GRID2: variants seen among roughly 807,000 people sequenced by gnomAD.
GRID2 encodes the protein glutamate receptor ionotropic, delta-2.
A neutral mutation model predicts 114.8 loss-of-function variants in GRID2; 33 were observed. The observed-to-expected ratio is 0.29, with a 90% CI of 0.22 to 0.38. GRID2 has a LOEUF of 0.38. GRID2 is among the 10% of genes least tolerant of loss of function. GRID2 has a pLI of 1.00. For synonymous variants in GRID2, 505 were observed against 449.9 expected (o/e 1.12, Z -1.55); for missense variants, 1,184 against 1,257.7 (o/e 0.94, Z 0.89).
chr4:92,728,198 T>G (rs1327548165), intron 2 of GRID2, among the ~76,000 whole-genome samples: 1 of 152,030 alleles, frequency 6.6e-6, no homozygotes, highest in Non-Finnish European at 1.5e-5. Context: ...CTCTTATAAT[T>G]TTCTACTTCC....
At chr4:92,362,052 T>C (rs1360166129) in intron 1 of GRID2, among the ~76,000 whole-genome samples, 2 of 151,982 alleles carry the variant, frequency 1.3e-5, no homozygotes, top group Non-Finnish European at 2.9e-5. Context: ...GGTGAGACAC[T>C]TAGAAAATCA....
intron 1 of GRID2, among the ~76,000 whole-genome samples, chr4:92,568,995 A>G (rs1263810448): frequency 6.6e-6 from 1 of 151,972 alleles, no homozygotes; most frequent in Non-Finnish European, 1.5e-5. Context: ...GTTAAAGGGT[A>G]CATGTGCAAG....
chr4:93,542,465 C>A (rs1732748813), intron 13 of GRID2, among the ~76,000 whole-genome samples: 1 of 152,144 alleles, frequency 6.6e-6, no homozygotes, highest in Non-Finnish European at 1.5e-5. Flanking sequence ...CAGTATTAAA[C>A]CACAAATTTG....
intron 2 of GRID2, among the ~76,000 whole-genome samples, chr4:92,838,377 A>T (rs1742623180): frequency 6.6e-6 from 1 of 152,062 alleles, no homozygotes; most frequent in African/African-American, 2.4e-5. Flanking sequence ...AGCATGAAAC[A>T]TCTTTTTTAT....
At chr4:92,356,178 A>G (rs543037900) in intron 1 of GRID2, among the ~76,000 whole-genome samples, 2 of 151,664 alleles carry the variant, frequency 1.3e-5, no homozygotes, top group African/African-American at 4.8e-5. Flanking sequence ...ATAAAATTTT[A>G]TATAAAATGA....
intron 13 of GRID2, among the ~76,000 whole-genome samples, chr4:93,594,079 T>C (rs1236046857): frequency 6.6e-6 from 1 of 152,224 alleles, no homozygotes. Flanking sequence ...TCCGTCCAGC[T>C]TTGTTCCGTT....
At chr4:93,175,852 T>A (rs2149428721) in intron 4 of GRID2, among the ~76,000 whole-genome samples, 1 of 152,272 alleles carries the variant, frequency 6.6e-6, no homozygotes, top group African/African-American at 2.4e-5. Context: ...TGAGAAGCTG[T>A]CCCAGTTTTC....
chr4:92,734,556 T>C (rs1467281131), intron 2 of GRID2, among the ~76,000 whole-genome samples: 1 of 152,134 alleles, frequency 6.6e-6, no homozygotes, highest in Non-Finnish European at 1.5e-5. Context: ...AGTTCTGGGA[T>C]TACAGGCATG....
At position 93,099,264 on chromosome 4, in the gene GRID2, G is replaced by T. The variant is rs866458752; in HGVS notation, c.530-11484G>T. On this transcript the variant is annotated intron_variant, in intron 3 of 15. Coordinates refer to ENST00000282020, the MANE Select transcript of GRID2 (RefSeq NM_001510.4). ...AAGAAAAATTAAGGAAACTATAATTGTTTTATTATAATTCATTATTTTAAA... is the reference window on the plus strand; with the variant it reads ...AAGAAAAATTAAGGAAACTATAATTTTTTTATTATAATTCATTATTTTAAA... 2.6e-5 allele frequency among the ~76,000 whole-genome samples: 4 copies of T among 151,796 alleles called. No homozygotes were observed. In the East Asian group the frequency reaches 5.8e-4, roughly 22 times the overall value.
At chr4:92,678,213 T>A (rs984011371) in intron 2 of GRID2, among the ~76,000 whole-genome samples, 2 of 152,148 alleles carry the variant, frequency 1.3e-5, no homozygotes, top group South Asian at 4.1e-4. Context: ...ATCAGCCTTC[T>A]CTGCTGTACT....
At chr4:93,444,629 GTAAAT>G (rs1236848871) in intron 10 of GRID2, among the ~76,000 whole-genome samples, 1 of 151,932 alleles carries the variant, frequency 6.6e-6, no homozygotes, top group African/African-American at 2.4e-5. Flanking sequence ...GCGAAAATAT[GTAAAT>G]TAGAGTACCT....
chr4:93,471,698 A>ATTTTTTGTTTTTTTTTTTTTTTT (rs1724815463), intron 11 of GRID2, among the ~76,000 whole-genome samples: 1 of 61,008 alleles, frequency 1.6e-5, no homozygotes, highest in African/African-American at 9.0e-5. Flanking sequence ...CCTGAATTCA[A>ATTTTTTGTTTTTTTTTTTTTTTT]TTTTTTTTTT....
In GRID2 at chr4:92,411,649, G is replaced by GTATATACATATA. The variant is rs1320090236; in HGVS notation, c.88+106906_88+106907insATATACATATAT. Among the ~76,000 whole-genome samples, 90 of 94,904 alleles carry GTATATACATATA rather than the reference G, an allele frequency of 9.5e-4. 4 individuals are homozygous for GTATATACATATA. Among genetic ancestry groups the GTATATACATATA allele is most frequent in the Non-Finnish European group, 1.7e-3 (79 of 47,642 alleles). The allele number at this position is 94,904 out of a possible 152,430, so 62.3% of individuals were successfully genotyped here. A position where few individuals can be genotyped will look rare whatever the true frequency, so the allele number is the denominator to read the frequency against. ...CATGTGTGTGTGTGTGTGTGTGTGT[G>GTATATACATATA]TGTGTGTATATATATATATATATAT... On this transcript the variant is annotated intron_variant, in intron 1 of 15. Coordinates refer to ENST00000282020, the MANE Select transcript of GRID2 (RefSeq NM_001510.4).
chr4:93,465,760 G>A (rs1490044058), intron 11 of GRID2, among the ~76,000 whole-genome samples: 9 of 152,060 alleles, frequency 5.9e-5, no homozygotes, highest in Non-Finnish European at 1.3e-4. Context: ...GTGTAATCAA[G>A]CATAAGGAAA....
At chr4:93,660,845 C>T (rs1246120623) in intron 14 of GRID2, among the ~76,000 whole-genome samples, 1 of 152,078 alleles carries the variant, frequency 6.6e-6, no homozygotes, top group Non-Finnish European at 1.5e-5. Context: ...CAAAGACAGG[C>T]CCAGATGGAT....
intron 14 of GRID2, among the ~76,000 whole-genome samples, chr4:93,735,622 T>G (rs1730861752): frequency 1.3e-5 from 2 of 152,044 alleles, no homozygotes; most frequent in Non-Finnish European, 2.9e-5. Flanking sequence ...CAAATTATAA[T>G]TTCAGGCATT....
chr4:92,620,521 GACAAGTAT>G (rs1462708066), intron 2 of GRID2, among the ~76,000 whole-genome samples: 1 of 151,686 alleles, frequency 6.6e-6, no homozygotes, highest in Non-Finnish European at 1.5e-5. Flanking sequence ...TTGGTAACTG[GACAAGTAT>G]ACAATTAGCA....
chr4:92,528,443 G>C lies in GRID2; in HGVS notation c.89-61688G>C, dbSNP rs574723477. 1.3e-4 allele frequency among the ~76,000 whole-genome samples: 19 copies of C among 151,606 alleles called. No homozygotes were observed. The East Asian group carries it at 3.3e-3, about 26-fold the overall frequency. ...TTTAAAACTTTCCTTTTCCAAATAA[G>C]AACAATAATGTTACAAAATAGAATG... is the stretch of plus-strand genomic sequence containing the variant. On this transcript the variant is annotated intron_variant, in intron 1 of 15. Transcript: ENST00000282020.
At chr4:93,516,980 C>G (rs1443801112) in intron 13 of GRID2, among the ~76,000 whole-genome samples, 2 of 152,004 alleles carry the variant, frequency 1.3e-5, no homozygotes, top group African/African-American at 4.8e-5. Flanking sequence ...CTCCCACCAG[C>G]CTGGTGTTAA....
Sources: allele counts gnomAD v4.1 joint callset (sites outside exome capture counted in the v4.1 genomes callset), GRCh38; gene constraint gnomAD v4.1.1; transcripts MANE v1.5; gene names NCBI Gene and HGNC (gene_info 2026-07-23, HGNC 2026-07-21).